Variants in RBFOX1 observed in about 807,000 individuals in gnomAD.
The protein encoded by RBFOX1 is RNA binding protein fox-1 homolog 1.
A neutral mutation model predicts 57.7 loss-of-function variants in RBFOX1; 8 were observed. The observed-to-expected ratio is 0.14, with a 90% CI of 0.08 to 0.25. The LOEUF (loss-of-function observed/expected upper bound fraction) is 0.25. Among genes scored for constraint, RBFOX1 ranks in the 10% least tolerant of loss-of-function variants. The pLI is 1.00. For synonymous variants in RBFOX1, 326 were observed against 222.4 expected, an observed-to-expected ratio of 1.47 and a Z score of -4.15; for missense variants, 611 against 548.5, an observed-to-expected ratio of 1.11 and a Z score of -1.14.
intron 3 of RBFOX1, among the ~76,000 whole-genome samples, chr16:6,730,679 C>G (rs2068340877): frequency 6.6e-6 from 1 of 152,206 alleles, no homozygotes; most frequent in South Asian, 2.1e-4. Context: ...AATAACACCT[C>G]TTAGATGAAA....
intron 3 of RBFOX1, among the ~76,000 whole-genome samples, chr16:6,778,763 CTTGT>C (rs950250599): frequency 1.3e-5 from 2 of 151,878 alleles, no homozygotes; most frequent in African/African-American, 4.8e-5. Context: ...TGTGAATTTT[CTTGT>C]TTATCGCACA....
At position 5,561,873 on chromosome 16, in the gene RBFOX1, A is replaced by G. The variant is rs766919777; in HGVS notation, c.259-37029A>G. 4.6e-5 allele frequency among the ~76,000 whole-genome samples: 7 copies of G among 152,246 alleles called. No homozygotes were observed. In the South Asian group the frequency reaches 6.2e-4, roughly 14 times the overall value. ...GGTCATGACCCTGGAATTAATGAGAAGCTTTATTGCAAATGCATCCCATCC... is the reference window on the plus strand; with the variant it reads ...GGTCATGACCCTGGAATTAATGAGAGGCTTTATTGCAAATGCATCCCATCC... On this transcript the variant is annotated intron_variant, in intron 2 of 2. Coordinates refer to the RBFOX1 transcript ENST00000585867.
intron 4 of RBFOX1, among the ~76,000 whole-genome samples, chr16:7,073,753 C>G (rs1344322761): frequency 6.6e-6 from 1 of 152,056 alleles, no homozygotes; most frequent in African/African-American, 2.4e-5. Flanking sequence ...GTACCAGTTA[C>G]TCAGGGGGCT....
chr16:6,318,911 C>A (rs1347215940), intron 2 of RBFOX1, among the ~76,000 whole-genome samples: 1 of 151,722 alleles, frequency 6.6e-6, no homozygotes, highest in Non-Finnish European at 1.5e-5. Context: ...GGTTTCCATC[C>A]TGTCCTTGGG....
At chr16:5,428,199 C>G (rs2067623458) in intron 1 of RBFOX1, among the ~76,000 whole-genome samples, 1 of 152,046 alleles carries the variant, frequency 6.6e-6, no homozygotes, top group Admixed American at 6.5e-5. Context: ...GGAGTCCTTA[C>G]TGAACTTCCC....
chr16:5,505,866 C>T lies in RBFOX1; in HGVS notation c.258+38612C>T, dbSNP rs527791278. On this transcript the variant is annotated intron_variant, in intron 2 of 2. Coordinates refer to the RBFOX1 transcript ENST00000585867. ...GTGTGTCTAGAGGGATGAAGCCTCA[C>T]CCTGCCATGACATTTCTACCAGCAA... 2.0e-5 allele frequency among the ~76,000 whole-genome samples: 3 copies of T among 152,274 alleles called. No individual in the cohort carries two copies. The East Asian group carries it at 5.8e-4, about 29-fold the overall frequency.
At chr16:5,529,400 T>C (rs1306372121) in intron 2 of RBFOX1, among the ~76,000 whole-genome samples, 1 of 151,396 alleles carries the variant, frequency 6.6e-6, no homozygotes, top group Non-Finnish European at 1.5e-5. Context: ...TTTTTTTTTT[T>C]TTTTTTTTTA....
chr16:6,430,917 G>A (rs78470572), intron 2 of RBFOX1, among the ~76,000 whole-genome samples: 2 of 150,618 alleles, frequency 1.3e-5, no homozygotes, highest in Non-Finnish European at 3.0e-5. Flanking sequence ...GGTTTATTGA[G>A]GCCAGGAGTT....
At chr16:7,033,563 C>G (rs751484931) in intron 3 of RBFOX1, among the ~76,000 whole-genome samples, 22 of 152,102 alleles carry the variant, frequency 1.4e-4, no homozygotes, top group Non-Finnish European at 1.6e-4. Context: ...TTTAAGAGGA[C>G]AGAGCTGATC....
rs1050646501 is a variant in RBFOX1, at chr16:6,127,667, C to G, written c.-127+107675C>G. On this transcript the variant is annotated intron_variant, in intron 1 of 15. Coordinates refer to ENST00000550418, the MANE Select transcript of RBFOX1 (RefSeq NM_018723.4). ...GCGTCCCAGCAAGGACAGTTTATGG[C>G]TTTGTTCACATCATAGATTTAGAAA... is the stretch of plus-strand genomic sequence containing the variant. Among the ~76,000 whole-genome samples the G allele has an allele frequency of 2.0e-5, 3 of 152,160 alleles. No individual in the cohort carries two copies. In the East Asian group the frequency reaches 5.8e-4, roughly 29 times the overall value.
chr16:6,933,384 A>C lies in RBFOX1; in HGVS notation c.-15-118673A>C, dbSNP rs115067135. On this transcript the variant is annotated intron_variant, in intron 3 of 15. Coordinates refer to ENST00000550418, the MANE Select transcript of RBFOX1 (RefSeq NM_018723.4). ...TGCACAAGGGTTCCAATCTGTCCAC[A>C]TCATTGCCAACACTTATATTCAATT... Among the ~76,000 whole-genome samples the C allele has an allele frequency of 6.5e-3, 989 of 152,316 alleles. 16 individuals carry two copies. The highest frequency in any genetic ancestry group is 0.022 in the African/African-American group (906 of 41,566).
intron 1 of RBFOX1, among the ~76,000 whole-genome samples, chr16:6,208,363 G>A (rs1024231979): frequency 2.0e-5 from 3 of 152,000 alleles, no homozygotes; most frequent in Non-Finnish European, 4.4e-5. Flanking sequence ...TACAATCATT[G>A]GGAAGAGTAT....
chr16:7,281,911 ACAGGAGGT>A (rs1745252525), intron 4 of RBFOX1, among the ~76,000 whole-genome samples: 1 of 152,026 alleles, frequency 6.6e-6, no homozygotes, highest in Non-Finnish European at 1.5e-5. Context: ...CCCAGGATGG[ACAGGAGGT>A]CAGTGGCACA....
intron 2 of RBFOX1, among the ~76,000 whole-genome samples, chr16:6,621,047 A>G (rs2098222535): frequency 6.6e-6 from 1 of 152,226 alleles, no homozygotes; most frequent in Non-Finnish European, 1.5e-5. Context: ...TTTTAGCTCC[A>G]GGGGACTGCC....
intron 4 of RBFOX1, among the ~76,000 whole-genome samples, chr16:7,124,633 C>T (rs573961465): frequency 1.3e-5 from 2 of 149,232 alleles, no homozygotes; most frequent in Non-Finnish European, 3.0e-5. Flanking sequence ...TAGGGCAACA[C>T]ATGATAGCCC....
intron 1 of RBFOX1, among the ~76,000 whole-genome samples, chr16:5,305,829 G>A (rs577107653): frequency 1.3e-5 from 2 of 152,152 alleles, no homozygotes; most frequent in Non-Finnish European, 1.5e-5. Context: ...AGGCCTAGGT[G>A]GGGGGATTGC....
chr16:5,424,899 CTT>C (rs1407849140), intron 1 of RBFOX1, among the ~76,000 whole-genome samples: 14 of 96,528 alleles, frequency 1.5e-4, no homozygotes, highest in African/African-American at 4.6e-4. Flanking sequence ...TTCTTTCTTT[CTT>C]TCTTTCTTTC....
chr16:6,962,745 C>G (rs905713314), intron 3 of RBFOX1, among the ~76,000 whole-genome samples: 1 of 152,074 alleles, frequency 6.6e-6, no homozygotes, highest in Admixed American at 6.6e-5. Flanking sequence ...GTGTGTGTAG[C>G]CCCAGCTACC....
chr16:7,090,655 T>C (rs1376860662), intron 4 of RBFOX1, among the ~76,000 whole-genome samples: 1 of 152,022 alleles, frequency 6.6e-6, no homozygotes, highest in East Asian at 1.9e-4. Context: ...TTATTTTCCC[T>C]GAGTGAGTAC....
Sources: allele counts gnomAD v4.1 joint callset (sites outside exome capture counted in the v4.1 genomes callset), GRCh38; gene constraint gnomAD v4.1.1; transcripts MANE v1.5; gene names NCBI Gene and HGNC (gene_info 2026-07-23, HGNC 2026-07-21).